ZFYVE16: variants seen among roughly 807,000 people sequenced by gnomAD.
ZFYVE16 encodes the protein zinc finger FYVE domain-containing protein 16.
Under a neutral mutation model 138.1 loss-of-function variants are expected in ZFYVE16, and 89 were observed. The observed-to-expected ratio is 0.64, with a 90% CI of 0.54 to 0.77. The LOEUF (loss-of-function observed/expected upper bound fraction) is 0.77, where lower values mean the gene tolerates loss of function less well. Ranked by LOEUF, ZFYVE16 falls within the 30% of genes least tolerant of loss-of-function variation. The pLI, the probability that ZFYVE16 is intolerant of heterozygous loss-of-function variation, is 0.00. For missense variants in ZFYVE16, 1,793 were observed against 1,786.7 expected, an observed-to-expected ratio of 1.00 and a Z score of -0.06; for synonymous variants, 596 against 618.3, an observed-to-expected ratio of 0.96 and a Z score of 0.53.
At chr5:80,471,450 T>C (rs890805320) in intron 15 of ZFYVE16, among the ~76,000 whole-genome samples, 10 of 152,216 alleles carry the variant, frequency 6.6e-5, no homozygotes, top group Non-Finnish European at 1.0e-4. Flanking sequence ...ACAGATGTTA[T>C]GTTAAAGAAT....
At chr5:80,418,889 A>G (rs1707978752) in intron 1 of ZFYVE16, among the ~76,000 whole-genome samples, 1 of 152,162 alleles carries the variant, frequency 6.6e-6, no homozygotes, top group Admixed American at 6.5e-5. Flanking sequence ...AAATTTTACA[A>G]TTTTGAATGT....
At position 80,437,665 on chromosome 5, in the gene ZFYVE16, C is replaced by A. The variant is rs1215577049; in HGVS notation, c.980C>A (p.Pro327His). The part of the protein sequence containing the change: ...SNSRDENFKL[P>H]DFSFQEDKTV... ...TCAAGAGATGAAAATTTCAAATTAC[C>A]TGACTTTTCCTTTCAGGAAGATAAG... The change falls in exon 4 of 19, where the codon CCT (proline) becomes CAT (histidine). Residue 327 changes from proline to histidine, a missense_variant. By Grantham distance (77) the Pro-to-His change is moderately conservative. Around this residue, in one of 2 missense-constraint regions of ZFYVE16, gnomAD observed 1,295 missense variants for 1,204.3 expected, o/e 1.08. Coordinates refer to ENST00000505560, the MANE Select transcript of ZFYVE16 (RefSeq NM_001284236.3). 6.2e-7 allele frequency: 1 copy of A among 1,611,174 alleles called. No individual in the cohort carries two copies. Among genetic ancestry groups the A allele is most frequent in the African/African-American group, 1.3e-5 (1 of 74,674 alleles).
At chr5:80,430,648 G>A (rs1748863476) in intron 2 of ZFYVE16, among the ~76,000 whole-genome samples, 1 of 152,080 alleles carries the variant, frequency 6.6e-6, no homozygotes, top group Non-Finnish European at 1.5e-5. Context: ...ATGAATCCAG[G>A]AGCTGGTTTT....
At position 80,470,124 on chromosome 5, in the gene ZFYVE16, C is replaced by A. The variant is rs75119172; in HGVS notation, c.4025-2637C>A. ...GTATTTTTTTTTTTTTTTTTTGAGA[C>A]AGAGTCTCACCCTTTCACCCAGGCT... On this transcript the variant is annotated intron_variant, in intron 15 of 18. Transcript: ENST00000505560. Among the ~76,000 whole-genome samples, 10 of 116,016 alleles carry A rather than the reference C, an allele frequency of 8.6e-5. 1 individual carries two copies. The highest frequency in any genetic ancestry group is 2.8e-4 in the South Asian group (1 of 3,616). The allele number at this position is 116,016 out of a possible 152,430, so 76.1% of individuals were successfully genotyped here.
intron 1 of ZFYVE16, 111 bp from the exon 2 acceptor site, chr5:80,427,380 GT>G (rs1380482282): frequency 6.6e-6 from 1 of 151,784 alleles, no homozygotes; most frequent in African/African-American, 2.4e-5. Context: ...TATTTGATTT[GT>G]GTTTAGTCCT....
At position 80,445,376 on chromosome 5, in the gene ZFYVE16, T is replaced by A; in HGVS notation, c.2695T>A (p.Phe899Ile). 1 of 1,613,876 alleles carries A rather than the reference T, an allele frequency of 6.2e-7. No homozygotes were observed. The highest frequency in any genetic ancestry group is 2.2e-5 in the East Asian group (1 of 44,826). Residue 899 changes from phenylalanine (F) to isoleucine (I), a missense_variant, in exon 7 of 19, where the codon TTT becomes ATT. Physicochemically the swap from Phe to Ile is conservative, Grantham distance 21. Coordinates refer to ENST00000505560, the MANE Select transcript of ZFYVE16 (RefSeq NM_001284236.3). Reference sequence around the variant, plus strand: ...TGGAAGTAAAAGATGTTCTGAAGACTTTAGTCCTCTCTCACCTGATGTGCC... The same window carrying A: ...TGGAAGTAAAAGATGTTCTGAAGACATTAGTCCTCTCTCACCTGATGTGCC... ...SSGSKRCSED[F>I]SPLSPDVPMT...
chr5:80,471,085 T>C (rs1754324955), intron 15 of ZFYVE16, among the ~76,000 whole-genome samples: 1 of 152,160 alleles, frequency 6.6e-6, no homozygotes, highest in South Asian at 2.1e-4. Context: ...TTCATAGCTC[T>C]GGGAATGGAA....
chr5:80,409,599 A>C (rs541133710), intron 1 of ZFYVE16: 6 of 152,348 alleles, frequency 3.9e-5, no homozygotes, highest in African/African-American at 9.6e-5. Flanking sequence ...CATTGTTTCA[A>C]ATTTTTGCGA....
chr5:80,435,918 A>C, intron 3 of ZFYVE16: 1 of 195,890 alleles, frequency 5.1e-6, no homozygotes, highest in Non-Finnish European at 1.1e-5. Flanking sequence ...TCACTTTATG[A>C]TATCTACATT....
intron 7 of ZFYVE16, among the ~76,000 whole-genome samples, chr5:80,446,959 TA>T (rs1751421687): frequency 6.6e-6 from 1 of 151,918 alleles, no homozygotes; most frequent in Non-Finnish European, 1.5e-5. Context: ...TGGGTACGTA[TA>T]TTAGAAAAGA....
intron 1 of ZFYVE16, among the ~76,000 whole-genome samples, chr5:80,413,535 C>T (rs938672790): frequency 6.6e-6 from 1 of 151,844 alleles, no homozygotes; most frequent in Non-Finnish European, 1.5e-5. Flanking sequence ...CCTTCTCACC[C>T]CTGAATCCCA....
At chr5:80,441,467 A>G (rs917784588) in intron 5 of ZFYVE16, 44 of 985,232 alleles carry the variant, frequency 4.5e-5, no homozygotes, top group Non-Finnish European at 4.9e-5. Flanking sequence ...TCATTAATTC[A>G]TATGCCACAG....
intron 15 of ZFYVE16, among the ~76,000 whole-genome samples, chr5:80,465,245 G>GTTTA (rs1169576426): frequency 6.6e-6 from 1 of 151,698 alleles, no homozygotes; most frequent in Non-Finnish European, 1.5e-5. Context: ...CTCTGTTTTT[G>GTTTA]TTTATCTGGG....
chr5:80,428,240 T>G (rs1748433397), intron 2 of ZFYVE16, among the ~76,000 whole-genome samples: 1 of 152,044 alleles, frequency 6.6e-6, no homozygotes, highest in African/African-American at 2.4e-5. Flanking sequence ...CATGGCCGGG[T>G]ACCCCTCTGA....
Position 80,438,554 on chromosome 5 carries a change from A to G in ZFYVE16, c.1869A>G (p.Leu623=), listed in dbSNP as rs752793903. Residue 623 remains leucine, a synonymous_variant, in exon 4 of 19, where the codon TTA becomes TTG. Coordinates refer to ENST00000505560, the MANE Select transcript of ZFYVE16 (RefSeq NM_001284236.3). ...GCACTATTCCAGTTCAACAAGGGTT[A>G]CCTACCAGTAAGTCTGAGATTACAA... ...EKSTIPVQQG[L]PTSKSEITNQ... 4 of 1,614,142 alleles carry G rather than the reference A, an allele frequency of 2.5e-6. No homozygotes were observed. The highest frequency in any genetic ancestry group is 1.6e-4 in the Middle Eastern group (1 of 6,062).
rs1447328815 is a variant in ZFYVE16 at position 80,446,869 on chromosome 5, A to G, written c.2725-1157A>G. On this transcript the variant is annotated intron_variant, in intron 7 of 18. Transcript: ENST00000505560. ...GTGGCACATACTCATAGAAGCAACT[A>G]TTAATGTATGAATTAGTAATGTTTT... is the stretch of plus-strand genomic sequence containing the variant. Among the ~76,000 whole-genome samples the G allele has an allele frequency of 2.6e-5, 4 of 152,186 alleles. No individual in the cohort carries two copies. The East Asian group carries it at 7.7e-4, about 29-fold the overall frequency.
chr5:80,476,648 A>C, intron 18 of ZFYVE16, among the ~76,000 whole-genome samples: 1 of 152,228 alleles, frequency 6.6e-6, no homozygotes, highest in Non-Finnish European at 1.5e-5. Context: ...GTGAGTTCAT[A>C]TGCTGAGGGT....
At chr5:80,440,735 T>G in intron 5 of ZFYVE16, 12 of 983,954 alleles carry the variant, frequency 1.2e-5, no homozygotes, top group Non-Finnish European at 1.3e-5. Flanking sequence ...ATGTTTATTC[T>G]TTTGAGTACC....
chr5:80,431,816 A>T (rs190482937), intron 2 of ZFYVE16, among the ~76,000 whole-genome samples: 1 of 152,330 alleles, frequency 6.6e-6, no homozygotes, highest in Non-Finnish European at 1.5e-5. Flanking sequence ...CCAAATCATG[A>T]GTGAACTCCC....
Sources: allele counts gnomAD v4.1 joint callset (sites outside exome capture counted in the v4.1 genomes callset), GRCh38; gene constraint gnomAD v4.1.1; regional missense constraint gnomAD v4.1.1; transcripts MANE v1.5; gene names NCBI Gene and HGNC (gene_info 2026-07-23, HGNC 2026-07-21).